Variants in TRAPPC8 observed in about 807,000 individuals in gnomAD.
The protein encoded by TRAPPC8 is trafficking protein particle complex subunit 8.
A neutral mutation model predicts 174.3 loss-of-function variants in TRAPPC8; 54 were observed. That is an observed-to-expected ratio of 0.31 (90% CI 0.25 to 0.39). The LOEUF is 0.39. Among genes scored for constraint, TRAPPC8 ranks in the 10% least tolerant of loss-of-function variants. The pLI is 1.00. For missense variants in TRAPPC8, 1,531 were observed against 1,699.1 expected (o/e 0.90, Z 1.74); for synonymous variants, 630 against 579.9 (o/e 1.09, Z -1.24).
In TRAPPC8 at chr18:31,873,377, A is replaced by G. The variant is rs866953217; in HGVS notation, c.2062+53T>C. ...GTTTTTTAAATGGAGAAAGGAAAAG[A>G]AGTTTTTTTTAAATTGTCATTAGGT... is the stretch of plus-strand genomic sequence containing the variant. On this transcript the variant is annotated intron_variant, in intron 14 of 28. Transcript: ENST00000283351. The G allele has an allele frequency of 1.8e-5, 26 of 1,408,882 alleles. 1 individual carries two copies. The highest frequency in any genetic ancestry group is 3.6e-4 in the Middle Eastern group (2 of 5,570). The allele number at this position is 1,408,882 out of a possible 1,614,324, so 87.3% of individuals were successfully genotyped here. A position where few individuals can be genotyped will look rare whatever the true frequency, so the allele number is the denominator to read the frequency against.
At chr18:31,847,029 T>C (rs999140323) in intron 25 of TRAPPC8, among the ~76,000 whole-genome samples, 1 of 152,248 alleles carries the variant, frequency 6.6e-6, no homozygotes, top group African/African-American at 2.4e-5. Context: ...TATAACACAG[T>C]TGGCCTGGAT....
chr18:31,873,808 T>C (rs1405241136), intron 13 of TRAPPC8: 3 of 315,338 alleles, frequency 9.5e-6, no homozygotes, highest in East Asian at 1.4e-4. Context: ...GTAAGCGTTT[T>C]ACTTCTTATG....
intron 1 of TRAPPC8, among the ~76,000 whole-genome samples, chr18:31,934,772 CAGG>C (rs2038007077): frequency 6.6e-6 from 1 of 151,476 alleles, no homozygotes; most frequent in Non-Finnish European, 1.5e-5. Context: ...GAGGCTGAGG[CAGG>C]AGAATCGCTT....
chr18:31,843,937 T>TG (rs540467730), intron 26 of TRAPPC8, among the ~76,000 whole-genome samples: 71 of 152,342 alleles, frequency 4.7e-4, no homozygotes, highest in African/African-American at 1.5e-3. Context: ...CTACCTGCCT[T>TG]GCTTACAGAG....
chr18:31,886,557 A>G (rs1441423793), intron 12 of TRAPPC8, among the ~76,000 whole-genome samples: 1 of 152,204 alleles, frequency 6.6e-6, no homozygotes, highest in Non-Finnish European at 1.5e-5. Context: ...TAGTAAGAAC[A>G]CAAAGGTTGT....
intron 27 of TRAPPC8, among the ~76,000 whole-genome samples, chr18:31,834,550 A>G (rs2032594633): frequency 6.6e-6 from 1 of 152,212 alleles, no homozygotes; most frequent in African/African-American, 2.4e-5. Context: ...TGGGCTCTAG[A>G]GTCAGACTGC....
intron 15 of TRAPPC8, among the ~76,000 whole-genome samples, 181 bp downstream of exon 15, chr18:31,870,745 T>C (rs939697850): frequency 2.0e-5 from 3 of 152,220 alleles, no homozygotes; most frequent in Admixed American, 6.5e-5. Flanking sequence ...CAACATCACA[T>C]TGCAAATAGC....
Position 31,830,702 on chromosome 18 carries a change from A to C in TRAPPC8, c.*53T>G, listed in dbSNP as rs1225368430. 2.0e-6 allele frequency: 3 copies of C among 1,491,980 alleles called. No homozygotes were observed. In the African/African-American group the frequency reaches 4.2e-5, roughly 21 times the overall value. 92.4% of individuals were successfully genotyped at this position (1,491,980 alleles called of 1,614,324 possible). ...TAGGTATATCAAATACTGCTGTAAAACCCATCCAGCAAAAACTGATTATTG... is the reference window on the plus strand; with the variant it reads ...TAGGTATATCAAATACTGCTGTAAACCCCATCCAGCAAAAACTGATTATTG... On this transcript the variant is annotated 3_prime_UTR_variant, in exon 29 of 29. Coordinates refer to ENST00000283351, the MANE Select transcript of TRAPPC8 (RefSeq NM_014939.5).
chr18:31,896,129 A>C lies in TRAPPC8; in HGVS notation c.1596+1657T>G, dbSNP rs549991610. 26 of 152,350 alleles carry C rather than the reference A, an allele frequency of 1.7e-4. No individual in the cohort carries two copies. The East Asian group carries it at 5.0e-3, about 29-fold the overall frequency. The allele number at this position is 152,350 out of a possible 1,614,324, so 9.4% of individuals were successfully genotyped here. A position where few individuals can be genotyped will look rare whatever the true frequency, so the allele number is the denominator to read the frequency against. On this transcript the variant is annotated intron_variant, in intron 11 of 28. Transcript: ENST00000283351. ...GTTTTACAGCATTGTATGAGAGAGA[A>C]GAACAGAGACACTTAGGACAAACAG...
intron 20 of TRAPPC8, 147 bp downstream of exon 20, chr18:31,857,393 A>G (rs1218057234): frequency 3.1e-5 from 24 of 776,256 alleles, no homozygotes; most frequent in Non-Finnish European, 2.8e-5. Flanking sequence ...TTACAGTTCT[A>G]TTTGAGACAA....
At position 31,830,176 on chromosome 18, in the gene TRAPPC8, T is replaced by C. The variant is rs1013192636; in HGVS notation, c.*579A>G. ...AAAGTCAAAACTCCTTTCAAAACTA[T>C]ATTCAAAGCATCAGAAAAAATTTTT... On this transcript the variant is annotated 3_prime_UTR_variant, in exon 29 of 29. Coordinates refer to ENST00000283351, the MANE Select transcript of TRAPPC8 (RefSeq NM_014939.5). 2 of 152,674 alleles carry C rather than the reference T, an allele frequency of 1.3e-5. No individual in the cohort carries two copies. The highest frequency in any genetic ancestry group is 1.9e-4 in the East Asian group (1 of 5,204). The allele number at this position is 152,674 out of a possible 1,614,324, so 9.5% of individuals were successfully genotyped here. A position where few individuals can be genotyped will look rare whatever the true frequency, so the allele number is the denominator to read the frequency against.
chr18:31,872,715 G>A (rs115903377), intron 14 of TRAPPC8, among the ~76,000 whole-genome samples: 2,666 of 151,794 alleles, frequency 0.018, 77 homozygotes, highest in African/African-American at 0.062. Flanking sequence ...CACCACACCC[G>A]GCCACAATAT....
chr18:31,851,317 CCTGTATTTTTACAAAAT>C lies in TRAPPC8; in HGVS notation c.3561+1112_3561+1128del, dbSNP rs1302595382. Among the ~76,000 whole-genome samples, 6 of 152,202 alleles carry C rather than the reference CCTGTATTTTTACAAAAT, an allele frequency of 3.9e-5. No individual in the cohort carries two copies. The East Asian group carries it at 1.2e-3, about 29-fold the overall frequency. On this transcript the variant is annotated intron_variant, in intron 24 of 28. Coordinates refer to ENST00000283351, the MANE Select transcript of TRAPPC8 (RefSeq NM_014939.5). ...AGCTTTAGAGGTAGGGGAGGTAAAG[CCTGTATTTTTACAAAAT>C]CTAGGTCCAATTATGGTCTGCAGGC... is the stretch of plus-strand genomic sequence containing the variant.
At chr18:31,922,115 A>G (rs1426784338) in intron 2 of TRAPPC8, among the ~76,000 whole-genome samples, 1 of 152,004 alleles carries the variant, frequency 6.6e-6, no homozygotes, top group African/African-American at 2.4e-5. Context: ...GTTTGAGGGG[A>G]AAAAAAAGAA....
At chr18:31,928,540 A>T (rs1473309287) in intron 2 of TRAPPC8, among the ~76,000 whole-genome samples, 1 of 152,142 alleles carries the variant, frequency 6.6e-6, no homozygotes, top group Non-Finnish European at 1.5e-5. Flanking sequence ...ATAAGAAAAA[A>T]AAATAAAAGA....
intron 1 of TRAPPC8, among the ~76,000 whole-genome samples, chr18:31,939,082 CA>C (rs397963630): frequency 0.09 from 6,078 of 67,756 alleles, 67 homozygotes; most frequent in Middle Eastern, 0.18. Context: ...GACTCCGTCT[CA>C]AAAAAAAAAA....
intron 12 of TRAPPC8, among the ~76,000 whole-genome samples, chr18:31,880,088 A>T (rs1363567987): frequency 9.3e-4 from 57 of 61,426 alleles, no homozygotes; most frequent in African/African-American, 3.7e-3. Context: ...ATTGAAAAAA[A>T]AAATATATAT....
In TRAPPC8 at chr18:31,913,418, A is replaced by T. The variant is rs1045742777; in HGVS notation, c.722T>A (p.Ile241Lys). 2 of 1,608,134 alleles carry T rather than the reference A, an allele frequency of 1.2e-6. No homozygotes were observed. The highest frequency in any genetic ancestry group is 1.7e-4 in the Middle Eastern group (1 of 5,740). The change falls in exon 5 of 29, where the codon ATA becomes AAA. Residue 241 changes from isoleucine (I) to lysine (K), a missense_variant. Coordinates refer to ENST00000283351, the MANE Select transcript of TRAPPC8 (RefSeq NM_014939.5). ...RTSNRASDEQ[I>K]PDPWSQYLQK... ...GAGATACTGACTCCAAGGATCTGGT[A>T]TCTGTTCATCTGATGCTCGATTAGA... is the stretch of plus-strand genomic sequence containing the variant.
chr18:31,866,383 G>C (rs541071800), intron 18 of TRAPPC8, among the ~76,000 whole-genome samples: 1 of 152,016 alleles, frequency 6.6e-6, no homozygotes, highest in Non-Finnish European at 1.5e-5. Flanking sequence ...AAGAATATCA[G>C]ATTAACACTA....
Sources: gnomAD v4.1 joint callset for allele counts (sites outside exome capture counted in the v4.1 genomes callset) on GRCh38, gnomAD v4.1.1 for gene constraint, MANE v1.5 for transcripts, NCBI Gene and HGNC (gene_info 2026-07-23, HGNC 2026-07-21) for gene names.